The following TPO variants were observed in gnomAD, a reference collection of about 807,000 sequenced individuals.
TPO encodes the protein thyroid microsomal antigen.
In TPO, 78 loss-of-function variants were observed where a neutral mutation model predicts 96.9. That is an observed-to-expected ratio of 0.81 (90% confidence interval 0.67 to 0.97). The LOEUF (loss-of-function observed/expected upper bound fraction) is 0.97, where lower values mean the gene tolerates loss of function less well. TPO is among the 50% of genes least tolerant of loss of function. The pLI is 0.00. For synonymous variants in TPO, 547 were observed against 538.0 expected (o/e 1.02, Z -0.23); for missense variants, 1,252 against 1,274.8 (o/e 0.98, Z 0.27).
At position 1,542,487 on chromosome 2, in the gene TPO, A is replaced by G. The variant is rs760433261; in HGVS notation, c.*13A>G. The G allele has an allele frequency of 1.1e-5, 18 of 1,614,112 alleles. 1 individual carries two copies. Among genetic ancestry groups the G allele is most frequent in the Non-Finnish European group, 1.4e-5 (17 of 1,180,026 alleles). ...GAGAGCCCTCTGAGGGCAAAGTGGC[A>G]GGACACTGCAGAACAGCTTCATGTT... On this transcript the variant is annotated 3_prime_UTR_variant, in exon 17 of 17. Coordinates refer to ENST00000329066, the MANE Select transcript of TPO (RefSeq NM_001206744.2).
chr2:1,483,942 AAG>A (rs1222304673), intron 8 of TPO, among the ~76,000 whole-genome samples: 1 of 152,232 alleles, frequency 6.6e-6, no homozygotes, highest in East Asian at 1.9e-4. Context: ...GGTAAGCTAA[AAG>A]AGAAGATTCA....
intron 7 of TPO, among the ~76,000 whole-genome samples, chr2:1,464,057 T>G (rs1426910212): frequency 6.6e-6 from 1 of 152,154 alleles, no homozygotes; most frequent in Non-Finnish European, 1.5e-5. Context: ...TTCCCACCCT[T>G]TCCCCCTGAG....
chr2:1,433,055 G>A (rs1190103137), intron 3 of TPO, among the ~76,000 whole-genome samples: 1 of 152,128 alleles, frequency 6.6e-6, no homozygotes, highest in African/African-American at 2.4e-5. Context: ...CTGAGATCAG[G>A]GCAGGGCTGT....
At chr2:1,448,765 G>A (rs559046199) in intron 5 of TPO, among the ~76,000 whole-genome samples, 4 of 152,310 alleles carry the variant, frequency 2.6e-5, no homozygotes, top group South Asian at 2.1e-4. Context: ...ATTTGTTCAC[G>A]GTGCAGGAAT....
intron 16 of TPO, 141 bp from the exon 17 acceptor site, chr2:1,542,276 ACAAG>A (rs1680852665): frequency 2.6e-6 from 3 of 1,139,534 alleles, no homozygotes; most frequent in Admixed American, 4.1e-5. Flanking sequence ...CTCCAGCATG[ACAAG>A]CAAGAAGGAT....
At chr2:1,528,290 AAC>A (rs1677101533) in intron 15 of TPO, among the ~76,000 whole-genome samples, 2 of 86,126 alleles carry the variant, frequency 2.3e-5, no homozygotes, top group Non-Finnish European at 4.2e-5. Flanking sequence ...AGTGAGCAAA[AAC>A]ACAAATTCCC....
intron 7 of TPO, among the ~76,000 whole-genome samples, chr2:1,471,600 G>T (rs550233303): frequency 1.3e-5 from 2 of 152,040 alleles, no homozygotes; most frequent in Non-Finnish European, 2.9e-5. Flanking sequence ...CTCCCGACAC[G>T]AGTCTCTTCC....
chr2:1,542,264 C>T (rs536984215), intron 16 of TPO, 157 bp from the exon 17 acceptor site: 3 of 1,045,506 alleles, frequency 2.9e-6, no homozygotes, highest in African/African-American at 3.2e-5. Context: ...CCAGAAACTT[C>T]CCTCCAGCAT....
At position 1,414,115 on chromosome 2, in the gene TPO, A is replaced by G. The variant is rs145486189; in HGVS notation, c.-1-293A>G. Among the ~76,000 whole-genome samples, 566 of 152,308 alleles carry G rather than the reference A, an allele frequency of 3.7e-3. 5 individuals carry two copies. Among genetic ancestry groups the G allele is most frequent in the African/African-American group, 0.013 (528 of 41,570 alleles). ...GTTACACTATTTGACATTACCAAAA[A>G]TTTAAATAGGTTATTACTGAGATAT... On this transcript the variant is annotated intron_variant, in intron 1 of 16. Coordinates refer to ENST00000329066, the MANE Select transcript of TPO (RefSeq NM_001206744.2).
intron 5 of TPO, among the ~76,000 whole-genome samples, chr2:1,446,975 A>G (rs1373267413): frequency 2.0e-5 from 3 of 152,140 alleles, no homozygotes; most frequent in Non-Finnish European, 4.4e-5. Context: ...ACGAGGTGGC[A>G]ACCATGAGGG....
intron 1 of TPO, among the ~76,000 whole-genome samples, chr2:1,379,411 C>G (rs1661773648): frequency 6.6e-6 from 1 of 152,082 alleles, no homozygotes; most frequent in Non-Finnish European, 1.5e-5. Context: ...AGGGCTTGTC[C>G]AGGGCTGGAG....
Position 1,500,203 on chromosome 2 carries a change from G to A in TPO, c.2386+3438G>A, listed in dbSNP as rs781134913. 3.9e-4 allele frequency among the ~76,000 whole-genome samples: 59 copies of A among 152,218 alleles called. 1 individual carries two copies. The highest frequency in any genetic ancestry group is 6.9e-4 in the Non-Finnish European group (47 of 68,044). On this transcript the variant is annotated intron_variant, in intron 13 of 16. Transcript: ENST00000329066. ...GTGTCCTCCCGAATGTGAGGGGAGC[G>A]CTAGGCTCTGCTCCAGAACCTGTTA...
chr2:1,480,152 T>G lies in TPO; in HGVS notation c.1338+2548T>G, dbSNP rs114240824. On this transcript the variant is annotated intron_variant, in intron 8 of 16. Transcript: ENST00000329066. ...GAAAAGTGTTCTTCTCTGTTTCATA[T>G]TTACCTTCCTCAATTCATTTTCTGT... is the stretch of plus-strand genomic sequence containing the variant. Among the ~76,000 whole-genome samples, 1,280 of 152,334 alleles carry G rather than the reference T, an allele frequency of 8.4e-3. 19 individuals are homozygous for G. Among genetic ancestry groups the G allele is most frequent in the African/African-American group, 0.029 (1,194 of 41,572 alleles).
At chr2:1,374,123 CT>C (rs1476561689), upstream of TPO, 1 of 152,286 alleles carries the variant, frequency 6.6e-6, no homozygotes, top group African/African-American at 2.4e-5. Flanking sequence ...GGCCACTTCC[CT>C]CTGGATGAAG....
chr2:1,493,709 C>T (rs1452065776), intron 10 of TPO, 93 bp from the exon 11 acceptor site: 50 of 1,456,476 alleles, frequency 3.4e-5, no homozygotes, highest in Non-Finnish European at 4.2e-5. Flanking sequence ...TGCCCTGCTG[C>T]GCTTCCAGTC....
chr2:1,512,291 C>A, intron 14 of TPO: 1 of 586,162 alleles, frequency 1.7e-6, no homozygotes, highest in Middle Eastern at 8.4e-4. Context: ...TCTATAAACG[C>A]TGAAGCCAAA....
chr2:1,455,178 CT>C (rs1667672213), intron 6 of TPO, among the ~76,000 whole-genome samples: 1 of 152,210 alleles, frequency 6.6e-6, no homozygotes, highest in African/African-American at 2.4e-5. Flanking sequence ...ACCCATGTGA[CT>C]GGATTGGACA....
At chr2:1,508,266 T>G (rs1420578870) in intron 14 of TPO, among the ~76,000 whole-genome samples, 7 of 151,940 alleles carry the variant, frequency 4.6e-5, no homozygotes, top group African/African-American at 7.2e-5. Flanking sequence ...GCTTTTTCAT[T>G]TGCTGCTGGA....
intron 13 of TPO, among the ~76,000 whole-genome samples, chr2:1,499,561 C>T (rs1454222450): frequency 6.6e-6 from 1 of 151,960 alleles, no homozygotes; most frequent in African/African-American, 2.4e-5. Context: ...AGGAGCTTAT[C>T]ACACCTGCGG....
Sources: gnomAD v4.1 joint callset for allele counts (sites outside exome capture counted in the v4.1 genomes callset) on GRCh38, gnomAD v4.1.1 for gene constraint, MANE v1.5 for transcripts, NCBI Gene and HGNC (gene_info 2026-07-23, HGNC 2026-07-21) for gene names.